PROX2: variants seen among roughly 807,000 people sequenced by gnomAD.
The protein encoded by PROX2 is prospero homeobox 2.
In PROX2, 46 loss-of-function variants were observed where a neutral mutation model predicts 48.9. The ratio of observed to expected loss-of-function variants is 0.94; its 90% CI spans 0.74 to 1.20. The LOEUF (loss-of-function observed/expected upper bound fraction) is 1.20, where lower values mean the gene tolerates loss of function less well. Ranked by LOEUF, PROX2 falls within the 50% of genes most tolerant of loss-of-function variation. The pLI, the probability that PROX2 is intolerant of heterozygous loss-of-function variation, is 0.00. For synonymous variants in PROX2, 260 were observed against 276.6 expected (o/e 0.94, Z 0.60); for missense variants, 663 against 719.4 (o/e 0.92, Z 0.90).
At position 74,863,996 on chromosome 14, in the gene PROX2, C is replaced by T; in HGVS notation, c.-162G>A. On this transcript the variant is annotated 5_prime_UTR_variant, in exon 3 of 6. Coordinates refer to ENST00000556489, the MANE Select transcript of PROX2 (RefSeq NM_001243007.2). ...CTGGGATGCCAGGGCTCATGAACCT[C>T]CTGGGCAGACTCCTGAAATTAGAGA... 1 of 736,858 alleles carries T rather than the reference C, an allele frequency of 1.4e-6. No homozygotes were observed. The highest frequency in any genetic ancestry group is 1.9e-6 in the Non-Finnish European group (1 of 524,162). The allele number at this position is 736,858 out of a possible 1,614,324, so 45.6% of individuals were successfully genotyped here.
chr14:74,858,348 CAAA>C, intron 4 of PROX2, 56 bp downstream of exon 4: 1 of 1,102,098 alleles, frequency 9.1e-7, no homozygotes, highest in Non-Finnish European at 1.4e-6. Context: ...TCACACCAGG[CAAA>C]ACACACTGCC....
intron 2 of PROX2, among the ~76,000 whole-genome samples, 153 bp downstream of exon 2, chr14:74,870,950 G>A (rs1221719333): frequency 2.6e-5 from 4 of 152,190 alleles, no homozygotes; most frequent in African/African-American, 9.7e-5. Context: ...GCTGAGGCAG[G>A]GGAATTGCTT....
intron 1 of PROX2, chr14:74,874,251 GTTTTTT>G (rs35863744): frequency 8.2e-5 from 23 of 280,238 alleles, no homozygotes; most frequent in East Asian, 4.8e-4. Flanking sequence ...CATCATACAA[GTTTTTT>G]TTTTTTTTTT....
intron 4 of PROX2, 79 bp from the exon 5 acceptor site, chr14:74,857,074 T>G: frequency 8.2e-7 from 1 of 1,224,288 alleles, no homozygotes; most frequent in Non-Finnish European, 1.2e-6. Flanking sequence ...TCCAGCTCAG[T>G]ATAGGGGTTC....
intron 2 of PROX2, among the ~76,000 whole-genome samples, chr14:74,869,505 C>G (rs1225373168): frequency 6.6e-6 from 1 of 152,030 alleles, no homozygotes; most frequent in Admixed American, 6.6e-5. Flanking sequence ...CTCTAACTCC[C>G]GACCTCAGGT....
At chr14:74,872,385 T>C (rs917323298) in intron 1 of PROX2, among the ~76,000 whole-genome samples, 1 of 152,226 alleles carries the variant, frequency 6.6e-6, no homozygotes, top group African/African-American at 2.4e-5. Context: ...GCTTAGTAGA[T>C]GACCACCCAA....
intron 3 of PROX2, among the ~76,000 whole-genome samples, chr14:74,862,308 C>A (rs2091800247): frequency 6.6e-6 from 1 of 152,200 alleles, no homozygotes; most frequent in Non-Finnish European, 1.5e-5. Context: ...CTCAAGCAAT[C>A]CTCCTGCCTC....
At position 74,876,081 on chromosome 14, in the gene PROX2, C is replaced by T. The variant is rs1403261860; in HGVS notation, c.-496G>A. Among the ~76,000 whole-genome samples the T allele has an allele frequency of 1.3e-5, 2 of 152,232 alleles. No homozygotes were observed. The highest frequency in any genetic ancestry group is 4.8e-5 in the African/African-American group (2 of 41,460). On this transcript the variant is annotated 5_prime_UTR_variant, in exon 1 of 6. Transcript: ENST00000556489. ...GTGCCCGTGGCTGGGTGAGGGGAGG[C>T]TCTGGCCCCTTCTTAGCACAAGGCA...
At chr14:74,873,282 C>A (rs1388805880) in intron 1 of PROX2, among the ~76,000 whole-genome samples, 1 of 152,220 alleles carries the variant, frequency 6.6e-6, no homozygotes, top group African/African-American at 2.4e-5. Flanking sequence ...CCACCGCGCC[C>A]AGCCCTTTGT....
At chr14:74,856,389 T>G (rs986874286) in intron 5 of PROX2, 3 of 161,912 alleles carry the variant, frequency 1.9e-5, no homozygotes, top group Admixed American at 1.2e-4. Flanking sequence ...AAAATACAGA[T>G]AAGAATCAAA....
At chr14:74,874,866 T>C (rs2140176468) in intron 1 of PROX2, among the ~76,000 whole-genome samples, 1 of 152,180 alleles carries the variant, frequency 6.6e-6, no homozygotes, top group Non-Finnish European at 1.5e-5. Flanking sequence ...GAATCTTAGC[T>C]GGGCGGGGTG....
At chr14:74,864,552 G>GA (rs1337731710) in intron 2 of PROX2, among the ~76,000 whole-genome samples, 1 of 152,204 alleles carries the variant, frequency 6.6e-6, no homozygotes. Context: ...TCTAGAAATA[G>GA]CAAATTCGGC....
In PROX2 at chr14:74,857,057, G is replaced by A. The variant is rs2091749581; in HGVS notation, c.1414-62C>T. On this transcript the variant is annotated intron_variant, in intron 4 of 5. Coordinates refer to ENST00000556489, the MANE Select transcript of PROX2 (RefSeq NM_001243007.2). ...CCACGAGGTGCTCAGAATTAGAACT[G>A]TCTGCTTCCAGCTCAGTATAGGGGT... The A allele has an allele frequency of 1.4e-5, 20 of 1,414,704 alleles. No homozygotes were observed. In the South Asian group the frequency reaches 2.3e-4, roughly 16 times the overall value. The allele number at this position is 1,414,704 out of a possible 1,614,324, so 87.6% of individuals were successfully genotyped here.
chr14:74,861,586 G>T (rs2140166743), intron 3 of PROX2, among the ~76,000 whole-genome samples: 1 of 152,302 alleles, frequency 6.6e-6, no homozygotes, highest in East Asian at 1.9e-4. Context: ...AAGATCCAGA[G>T]CCCTGCAGAT....
At chr14:74,857,672 A>C (rs1232521027) in intron 4 of PROX2, 1 of 151,932 alleles carries the variant, frequency 6.6e-6, no homozygotes, top group Non-Finnish European at 1.5e-5. Flanking sequence ...GTTTTGAACT[A>C]TAGCAATTTG....
intron 3 of PROX2, among the ~76,000 whole-genome samples, chr14:74,861,044 C>G (rs191190632): frequency 1.1e-3 from 161 of 152,274 alleles, no homozygotes; most frequent in Middle Eastern, 6.8e-3. Flanking sequence ...TACAGTTGCT[C>G]GCTAACTTCC....
At chr14:74,861,263 T>C (rs902715118) in intron 3 of PROX2, 5 of 1,345,444 alleles carry the variant, frequency 3.7e-6, no homozygotes, top group African/African-American at 1.5e-5. Context: ...CCCTCAAAGC[T>C]GCACACAAGA....
intron 3 of PROX2, among the ~76,000 whole-genome samples, chr14:74,860,203 G>C (rs2091783617): frequency 6.6e-6 from 1 of 152,196 alleles, no homozygotes; most frequent in African/African-American, 2.4e-5. Flanking sequence ...TTCAGAATTT[G>C]TTAGCTTATA....
intron 2 of PROX2, among the ~76,000 whole-genome samples, chr14:74,864,701 C>T (rs2091829146): frequency 6.6e-6 from 1 of 151,860 alleles, no homozygotes; most frequent in Non-Finnish European, 1.5e-5. Flanking sequence ...ATTAGCTGGG[C>T]GTGATGGCGG....
Sources: gnomAD v4.1 joint callset for allele counts (sites outside exome capture counted in the v4.1 genomes callset) on GRCh38, gnomAD v4.1.1 for gene constraint, MANE v1.5 for transcripts, NCBI Gene and HGNC (gene_info 2026-07-23, HGNC 2026-07-21) for gene names.